Variants in DOCK8 observed in about 807,000 individuals in gnomAD.
DOCK8 encodes dedicator of cytokinesis protein 8.
In DOCK8, 141 loss-of-function variants were observed where a neutral mutation model predicts 245.6. The observed-to-expected ratio is 0.57, with a 90% CI of 0.50 to 0.66. The LOEUF is 0.66. DOCK8 is among the 30% of genes least tolerant of loss of function. DOCK8 has a pLI of 0.00. For missense variants in DOCK8, 2,965 were observed against 2,603.4 expected, an observed-to-expected ratio of 1.14 and a Z score of -3.02; for synonymous variants, 1,168 against 970.2, an observed-to-expected ratio of 1.20 and a Z score of -3.79.
intron 1 of DOCK8, among the ~76,000 whole-genome samples, chr9:258,117 C>G (rs1488626425): frequency 6.6e-6 from 1 of 152,188 alleles, no homozygotes; most frequent in African/African-American, 2.4e-5. Context: ...TTTAACAAAG[C>G]AAACTCACAA....
At chr9:320,104 C>T (rs186199275) in intron 7 of DOCK8, among the ~76,000 whole-genome samples, 9 of 152,252 alleles carry the variant, frequency 5.9e-5, no homozygotes, top group East Asian at 1.9e-4. Flanking sequence ...CAAACACTCA[C>T]GGAAAAAGCC....
rs1207304036 is a variant in DOCK8 at position 347,630 on chromosome 9, G to A, written c.1679+7309G>A. 9.2e-5 allele frequency among the ~76,000 whole-genome samples: 14 copies of A among 152,336 alleles called. No individual in the cohort carries two copies. The East Asian group carries it at 1.5e-3, about 17-fold the overall frequency. ...CTTTTATAAACAAACCATGTAGTTA[G>A]GAAGGGCAGTGGCAGCCCAGGCAAA... On this transcript the variant is annotated intron_variant, in intron 14 of 47. Coordinates refer to ENST00000432829, the MANE Select transcript of DOCK8 (RefSeq NM_203447.4).
chr9:371,430 C>G lies in DOCK8; in HGVS notation c.1871C>G (p.Ser624Cys). 6.2e-7 allele frequency: 1 copy of G among 1,614,152 alleles called. No homozygotes were observed. The highest frequency in any genetic ancestry group is 8.5e-7 in the Non-Finnish European group (1 of 1,180,010). ...TGTATAATGTGCTTTTGAAACAGGTCTCCTGACTTTTATGAAGAAGTGAAA... is the reference window on the plus strand; with the variant it reads ...TGTATAATGTGCTTTTGAAACAGGTGTCCTGACTTTTATGAAGAAGTGAAA... The part of the protein sequence containing the change: ...VYTAVTYHNK[S>C]PDFYEEVKIK... Residue 624 changes from serine (S) to cysteine (C), a missense_variant and splice_region_variant, in exon 17 of 48, where the codon TCT (serine) becomes TGT (cysteine). Physicochemically the swap from Ser to Cys is moderately radical, Grantham distance 112 (BLOSUM62 -1). Transcript: ENST00000432829.
chr9:232,030 G>GT (rs1216855853), intron 1 of DOCK8, among the ~76,000 whole-genome samples: 1 of 152,104 alleles, frequency 6.6e-6, no homozygotes, highest in Admixed American at 6.6e-5. Flanking sequence ...TTGGCTGTGG[G>GT]TTTGTCATAG....
At chr9:413,339 A>G (rs1432440634) in intron 28 of DOCK8, among the ~76,000 whole-genome samples, 1 of 152,222 alleles carries the variant, frequency 6.6e-6, no homozygotes, top group Non-Finnish European at 1.5e-5. Context: ...TCATAGACTT[A>G]GAAAAGGCAG....
intron 9 of DOCK8, among the ~76,000 whole-genome samples, chr9:328,702 G>A (rs113356310): frequency 6.6e-6 from 1 of 151,932 alleles, no homozygotes; most frequent in South Asian, 2.1e-4. Flanking sequence ...AGCGTGGGCT[G>A]TGGTTTTCAA....
chr9:312,140 T>C lies in DOCK8; in HGVS notation c.715T>C (p.Phe239Leu). 1 of 1,614,222 alleles carries C rather than the reference T, an allele frequency of 6.2e-7. No individual in the cohort carries two copies. Among genetic ancestry groups the C allele is most frequent in the African/African-American group, 1.3e-5 (1 of 75,058 alleles). The change falls in exon 6 of 48, where the codon TTT (phenylalanine) becomes CTT (leucine). Residue 239 changes from phenylalanine (F) to leucine (L), a missense_variant. Phe to Leu is a conservative substitution (Grantham distance 22, BLOSUM62 0). This residue lies in a region of DOCK8 where 2,825 missense variants were observed against 2,453.5 expected (regional missense o/e 1.15). Transcript: ENST00000432829. ...GAGGACCAATAGGCAGGCCGAGCTC[T>C]TTGCCCTTTACCCATCAGTGGACGA... is the stretch of plus-strand genomic sequence containing the variant. ...ARRTNRQAEL[F>L]ALYPSVDEED...
intron 37 of DOCK8, among the ~76,000 whole-genome samples, chr9:433,135 A>G (rs920532742): frequency 8.5e-5 from 13 of 152,298 alleles, no homozygotes; most frequent in Middle Eastern, 3.4e-3. Flanking sequence ...TTCCTCTCTC[A>G]TTTCATCTTG....
At chr9:438,883 A>T (rs1390623224) in intron 39 of DOCK8, among the ~76,000 whole-genome samples, 1 of 152,244 alleles carries the variant, frequency 6.6e-6, no homozygotes, top group East Asian at 1.9e-4. Context: ...TCGGTGAAAC[A>T]GGGAGCCTAG....
intron 6 of DOCK8, 188 bp downstream of exon 6, chr9:312,354 C>G: frequency 1.4e-6 from 1 of 722,046 alleles, no homozygotes; most frequent in Admixed American, 2.0e-5. Flanking sequence ...GATTATCACA[C>G]AGATGGGATT....
chr9:289,444 T>A, intron 3 of DOCK8, 66 bp from the exon 4 acceptor site: 1 of 1,280,500 alleles, frequency 7.8e-7, no homozygotes. Context: ...TCCTTGCTCA[T>A]GATTAGGGGT....
At chr9:275,805 T>TCA (rs1225974713) in intron 2 of DOCK8, among the ~76,000 whole-genome samples, 1 of 152,050 alleles carries the variant, frequency 6.6e-6, no homozygotes, top group Admixed American at 6.6e-5. Context: ...GCCAGGCTGG[T>TCA]CACAAACTCC....
chr9:284,114 A>G (rs2048709809), intron 2 of DOCK8, among the ~76,000 whole-genome samples: 1 of 152,214 alleles, frequency 6.6e-6, no homozygotes, highest in Non-Finnish European at 1.5e-5. Flanking sequence ...TATAGAAGTC[A>G]TTCAATCCTG....
At chr9:443,921 A>G (rs1488182057) in intron 43 of DOCK8, among the ~76,000 whole-genome samples, 3 of 152,170 alleles carry the variant, frequency 2.0e-5, no homozygotes, top group African/African-American at 7.2e-5. Context: ...TTGCTTCTGA[A>G]CCCCTACTCT....
intron 14 of DOCK8, among the ~76,000 whole-genome samples, chr9:345,385 C>G (rs2051830159): frequency 6.6e-6 from 1 of 152,212 alleles, no homozygotes; most frequent in South Asian, 2.1e-4. Flanking sequence ...AATGCTTACA[C>G]TGAGAAAGCC....
upstream of DOCK8, chr9:214,531 C>CCGACCT (rs1254742978): frequency 6.2e-7 from 1 of 1,613,412 alleles, no homozygotes; most frequent in Non-Finnish European, 8.5e-7. Flanking sequence ...GGGGTGATTC[C>CCGACCT]CGACCTCGCC....
At chr9:296,636 G>T (rs2049269927) in intron 4 of DOCK8, among the ~76,000 whole-genome samples, 1 of 152,264 alleles carries the variant, frequency 6.6e-6, no homozygotes. Context: ...ATATAATTCA[G>T]TTACTCCCAG....
At chr9:218,602 AC>A (rs1395857992) in intron 1 of DOCK8, among the ~76,000 whole-genome samples, 1 of 152,130 alleles carries the variant, frequency 6.6e-6, no homozygotes, top group Non-Finnish European at 1.5e-5. Context: ...CTTTTTTCTT[AC>A]TGGAATTTAG....
chr9:340,332 C>T lies in DOCK8; in HGVS notation c.1679+11C>T. 2 of 1,613,940 alleles carry T rather than the reference C, an allele frequency of 1.2e-6. No homozygotes were observed. Among genetic ancestry groups the T allele is most frequent in the East Asian group, 2.2e-5 (1 of 44,876 alleles). On this transcript the variant is annotated intron_variant, in intron 14 of 47. Transcript: ENST00000432829. ...TCACACTGTGTACAGGTAAGAAACA[C>T]AGGCTCGGGCTGGGCGTGGTGGCTT...
Sources: gnomAD v4.1 joint callset for allele counts (sites outside exome capture counted in the v4.1 genomes callset) on GRCh38, gnomAD v4.1.1 for gene constraint, gnomAD v4.1.1 regional missense constraint, MANE v1.5 for transcripts, NCBI Gene and HGNC (gene_info 2026-07-23, HGNC 2026-07-21) for gene names.